Variants in ADGRA2 observed in about 807,000 individuals in gnomAD.
ADGRA2 encodes the protein G-protein coupled receptor 124.
A neutral mutation model predicts 98.7 loss-of-function variants in ADGRA2; 61 were observed. The ratio of observed to expected loss-of-function variants is 0.62; its 90% CI spans 0.50 to 0.76. The LOEUF (loss-of-function observed/expected upper bound fraction) is 0.76. Ranked by LOEUF, ADGRA2 falls within the 30% of genes least tolerant of loss-of-function variation. ADGRA2 has a pLI of 0.00. For synonymous variants in ADGRA2, 858 were observed against 831.5 expected, an observed-to-expected ratio of 1.03 and a Z score of -0.55; for missense variants, 1,712 against 1,860.0, an observed-to-expected ratio of 0.92 and a Z score of 1.46.
intron 2 of ADGRA2, among the ~76,000 whole-genome samples, chr8:37,822,384 T>TACACACACACACACAC (rs147834043): frequency 1.4e-5 from 2 of 147,118 alleles, no homozygotes; most frequent in Non-Finnish European, 3.0e-5. Context: ...TGTATGTGGG[T>TACACACACACACACAC]ACACACACAC....
chr8:37,843,750 AAAG>A lies in ADGRA2; in HGVS notation c.*1396_*1398del, dbSNP rs1244924281. The A allele has an allele frequency of 1.3e-5, 2 of 152,596 alleles. No individual in the cohort carries two copies. The highest frequency in any genetic ancestry group is 4.8e-5 in the African/African-American group (2 of 41,426). The allele number at this position is 152,596 out of a possible 1,614,324, so 9.5% of individuals were successfully genotyped here. A position where few individuals can be genotyped will look rare whatever the true frequency, so the allele number is the denominator to read the frequency against. On this transcript the variant is annotated 3_prime_UTR_variant, in exon 19 of 19. Transcript: ENST00000412232. ...GCACAGACATATTAGAAGAAAAAAA[AAAG>A]CTTTGTATTATTCTTCCACATATGC...
rs148415389 is a variant in ADGRA2, at chr8:37,840,278, C to G, written c.2657+12C>G. On this transcript the variant is annotated intron_variant, in intron 17 of 18. Transcript: ENST00000412232. The stretch of plus-strand genomic sequence containing the variant: ...AGTCCTATGCTCCGGTACATACTTT[C>G]AATTCCAGCTTTGCAATTGGGGAGG... 55 of 1,610,730 alleles carry G rather than the reference C, an allele frequency of 3.4e-5. No individual in the cohort carries two copies. The African/African-American group carries it at 6.9e-4, about 20-fold the overall frequency.
Position 37,797,485 on chromosome 8 carries a change from C to T in ADGRA2, c.217C>T (p.Leu73Phe). The change falls in exon 1 of 19, where the codon CTC (leucine) becomes TTC (phenylalanine). Residue 73 changes from leucine to phenylalanine, a missense_variant. Coordinates refer to ENST00000412232, the MANE Select transcript of ADGRA2 (RefSeq NM_032777.10). The surrounding 1 kb of genome is among the most constrained non-coding windows in gnomAD (Gnocchi z 5.3). ...RRRVVCSGGD[L>F]PEPPEPGLLP... is the part of the protein sequence containing the mutation. The stretch of plus-strand genomic sequence containing the variant: ...GAGGGTGGTGTGCAGCGGCGGGGAC[C>T]TCCCGGAGCCTCCCGAGCCCGGCCT... 1 of 1,406,406 alleles carries T rather than the reference C, an allele frequency of 7.1e-7. No individual in the cohort carries two copies. The highest frequency in any genetic ancestry group is 1.5e-5 in the African/African-American group (1 of 67,558). The allele number at this position is 1,406,406 out of a possible 1,614,324, so 87.1% of individuals were successfully genotyped here.
In ADGRA2 at chr8:37,832,869, C is replaced by T. The variant is rs573040167; in HGVS notation, c.1098-141C>T. ...AACAAAGAGAGTGGAACTTGGGAAC[C>T]CCTGGAAGGCTGGTCTGAACCCCGC... is the stretch of plus-strand genomic sequence containing the variant. On this transcript the variant is annotated intron_variant, in intron 8 of 18. Coordinates refer to ENST00000412232, the MANE Select transcript of ADGRA2 (RefSeq NM_032777.10). 4.4e-6 allele frequency: 3 copies of T among 675,558 alleles called. No homozygotes were observed. The South Asian group carries it at 5.2e-5, about 12-fold the overall frequency. 41.8% of individuals were successfully genotyped at this position (675,558 alleles called of 1,614,324 possible). A position where few individuals can be genotyped will look rare whatever the true frequency, so the allele number is the denominator to read the frequency against.
In ADGRA2 at chr8:37,833,754, G is replaced by T; in HGVS notation, c.1363G>T (p.Ala455Ser). 1.2e-6 allele frequency: 2 copies of T among 1,614,156 alleles called. No homozygotes were observed. Among genetic ancestry groups the T allele is most frequent in the South Asian group, 1.1e-5 (1 of 91,084 alleles). ...GCTGCGCGTGTACACAGCCGAGGCC[G>T]CTAGCTTTTCAGACATGATGGATGT... ...HQLRVYTAEA[A>S]SFSDMMDVVY... Residue 455 changes from alanine to serine, a missense_variant, in exon 10 of 19, where the codon GCT (alanine) becomes TCT (serine). Transcript: ENST00000412232.
At chr8:37,807,696 C>T (rs1804717608) in intron 1 of ADGRA2, among the ~76,000 whole-genome samples, 1 of 152,118 alleles carries the variant, frequency 6.6e-6, no homozygotes, top group South Asian at 2.1e-4. Context: ...TTCCCTAAGA[C>T]ACGGCCAAGC....
intron 1 of ADGRA2, among the ~76,000 whole-genome samples, chr8:37,801,830 G>A (rs996522285): frequency 2.6e-5 from 4 of 152,208 alleles, no homozygotes; most frequent in African/African-American, 9.6e-5. Context: ...TGCTCACCTG[G>A]CTGAACTTGG....
At chr8:37,812,669 A>AT (rs1804870779) in intron 1 of ADGRA2, among the ~76,000 whole-genome samples, 1 of 138,748 alleles carries the variant, frequency 7.2e-6, no homozygotes, top group Non-Finnish European at 1.6e-5. Flanking sequence ...GGAGTTGCAG[A>AT]ATTTTTTTTT....
chr8:37,830,893 G>T lies in ADGRA2; in HGVS notation c.902G>T (p.Ser301Ile). ...DEQAGILLAE[S>I]LIHDCTFITS... ...CAGGCGGGCATCCTCCTGGCCGAGA[G>T]CCTCATCCACGACTGCACCTTCATC... The change falls in exon 7 of 19, where the codon AGC becomes ATC. Residue 301 changes from serine to isoleucine, a missense_variant. Coordinates refer to ENST00000412232, the MANE Select transcript of ADGRA2 (RefSeq NM_032777.10). The surrounding 1 kb of genome is among the most constrained non-coding windows in gnomAD (Gnocchi z 4.8). 6.3e-7 allele frequency: 1 copy of T among 1,586,440 alleles called. No individual in the cohort carries two copies.
chr8:37,820,794 G>T (rs1383026414), intron 2 of ADGRA2, among the ~76,000 whole-genome samples: 27 of 152,214 alleles, frequency 1.8e-4, no homozygotes. Context: ...CAGGAGCTGG[G>T]AGTAGATCTG....
chr8:37,842,020 G>C lies in ADGRA2; in HGVS notation c.3682G>C (p.Asp1228His), dbSNP rs909675567. Residue 1228 changes from aspartate to histidine, a missense_variant, in exon 19 of 19, where the codon GAC (aspartate) becomes CAC (histidine). Transcript: ENST00000412232. Reference protein sequence around the residue: ...ESGSLHNSPTDSYLGSSRNSP... With the variant: ...ESGSLHNSPTHSYLGSSRNSP... ...CGGCAGTCTGCACAACAGCCCCACC[G>C]ACAGCTACCTGGGCAGCAGCCGCAA... The C allele has an allele frequency of 1.1e-5, 16 of 1,519,494 alleles. No individual in the cohort carries two copies. Among genetic ancestry groups the C allele is most frequent in the Non-Finnish European group, 1.4e-5 (16 of 1,141,058 alleles). 94.1% of individuals were successfully genotyped at this position (1,519,494 alleles called of 1,614,324 possible).
At position 37,841,037 on chromosome 8, in the gene ADGRA2, A is replaced by AC; in HGVS notation, c.2748-45dup. ...CCCAACCACCCCGGCCCCCAGCCCC[A>AC]CCCCAGCCATGCCCCCTGTCCTCAT... On this transcript the variant is annotated intron_variant, in intron 18 of 18. Transcript: ENST00000412232. The surrounding 1 kb of genome is among the most constrained non-coding windows in gnomAD (Gnocchi z 5.0). The AC allele has an allele frequency of 8.9e-7, 1 of 1,126,368 alleles. No homozygotes were observed. The highest frequency in any genetic ancestry group is 1.2e-6 in the Non-Finnish European group (1 of 804,524). 69.8% of individuals were successfully genotyped at this position (1,126,368 alleles called of 1,614,324 possible). A position where few individuals can be genotyped will look rare whatever the true frequency, so the allele number is the denominator to read the frequency against.
Position 37,835,711 on chromosome 8 carries a change from G to A in ADGRA2, c.1991G>A (p.Gly664Glu). 1 of 1,613,854 alleles carries A rather than the reference G, an allele frequency of 6.2e-7. No individual in the cohort carries two copies. The highest frequency in any genetic ancestry group is 8.5e-7 in the Non-Finnish European group (1 of 1,179,938). Residue 664 changes from glycine to glutamate, a missense_variant, in exon 13 of 19, where the codon GGA becomes GAA. By Grantham distance (98) the Gly-to-Glu change is moderately conservative (BLOSUM62 -2). Transcript: ENST00000412232. ...AGCCACAGCAACACCTCCCGCCCTGGAGCTGCTGGGCCTGGCAAGAGGCGT... is the reference window on the plus strand; with the variant it reads ...AGCCACAGCAACACCTCCCGCCCTGAAGCTGCTGGGCCTGGCAAGAGGCGT... ...FHSHSNTSRP[G>E]AAGPGKRRGV...
rs1357660017 is a variant in ADGRA2, at chr8:37,841,956, G to A, written c.3618G>A (p.Gly1206=). The A allele has an allele frequency of 1.3e-6, 2 of 1,503,158 alleles. No individual in the cohort carries two copies. The highest frequency in any genetic ancestry group is 1.8e-6 in the Non-Finnish European group (2 of 1,134,964). 93.1% of individuals were successfully genotyped at this position (1,503,158 alleles called of 1,614,324 possible). ...CGKNRLKALR[G]GAAGALELLS... ...AGAACCGGCTCAAGGCCCTGCGCGG[G>A]GGCGCGGCGGGGGCGCTGGAGCTGC... Residue 1206 remains glycine, a synonymous_variant, in exon 19 of 19, where the codon GGG becomes GGA. Coordinates refer to ENST00000412232, the MANE Select transcript of ADGRA2 (RefSeq NM_032777.10). The surrounding 1 kb of genome is among the most constrained non-coding windows in gnomAD (Gnocchi z 5.0).
At position 37,837,721 on chromosome 8, in the gene ADGRA2, C is replaced by T. The variant is rs767140176; in HGVS notation, c.2051-10C>T. On this transcript the variant is annotated splice_polypyrimidine_tract_variant and intron_variant, in intron 13 of 18. Transcript: ENST00000412232. ...TGTGTGTCTGTGTGGACGTCCCTCT[C>T]CCGCTGTAGGTGGCTGTGGCGTGGG... is the stretch of plus-strand genomic sequence containing the variant. 3 of 1,550,098 alleles carry T rather than the reference C, an allele frequency of 1.9e-6. No individual in the cohort carries two copies. The highest frequency in any genetic ancestry group is 1.2e-5 in the South Asian group (1 of 84,112).
At chr8:37,804,130 C>CACACACACACAT (rs1174457741) in intron 1 of ADGRA2, among the ~76,000 whole-genome samples, 4,639 of 148,606 alleles carry the variant, frequency 0.031, 152 homozygotes, top group East Asian at 0.13. Context: ...CACACACACA[C>CACACACACACAT]ACACACACAC....
rs374564456 is a variant in ADGRA2 at position 37,829,523 on chromosome 8, C to A, written c.518C>A (p.Pro173His). 5 of 1,613,762 alleles carry A rather than the reference C, an allele frequency of 3.1e-6. No individual in the cohort carries two copies. The highest frequency in any genetic ancestry group is 4.2e-6 in the Non-Finnish European group (5 of 1,179,672). The change falls in exon 5 of 19, where the codon CCT becomes CAT. Residue 173 changes from proline (P) to histidine (H), a missense_variant. Physicochemically the swap from Pro to His is moderately conservative, Grantham distance 77. Transcript: ENST00000412232. ...GGAAACATCTTCTCCAGTCTGCAAC[C>A]TGGGGTCTTTGATGAGCTGCCAGCC... The part of the protein sequence containing the change: ...ISGNIFSSLQ[P>H]GVFDELPALK...
chr8:37,811,474 CTTTTT>C (rs34759771), intron 1 of ADGRA2, among the ~76,000 whole-genome samples: 1 of 112,222 alleles, frequency 8.9e-6, no homozygotes, highest in Non-Finnish European at 1.8e-5. Flanking sequence ...ACCCAGCCAA[CTTTTT>C]TTTTTTTTTT....
chr8:37,809,945 C>T (rs1804778346), intron 1 of ADGRA2, among the ~76,000 whole-genome samples: 1 of 152,148 alleles, frequency 6.6e-6, no homozygotes, highest in East Asian at 1.9e-4. Context: ...CCTTGCCCTC[C>T]TCTGGGGTAG....
Sources: allele counts gnomAD v4.1 joint callset (sites outside exome capture counted in the v4.1 genomes callset), GRCh38; gene constraint gnomAD v4.1.1; non-coding constraint Gnocchi (gnomAD v3.1); transcripts MANE v1.5; gene names NCBI Gene and HGNC (gene_info 2026-07-23, HGNC 2026-07-21).